The following ZBTB16 variants were observed in gnomAD, a reference collection of about 807,000 sequenced individuals.
ZBTB16 encodes the protein zinc finger and BTB domain-containing protein 16.
ZBTB16 carries 8 observed loss-of-function variants against 56.8 expected under a neutral mutation model. The ratio of observed to expected loss-of-function variants is 0.14; its 90% CI spans 0.08 to 0.25. ZBTB16 has a LOEUF of 0.25. ZBTB16 is among the 10% of genes least tolerant of loss of function. The probability of loss-of-function intolerance (pLI) is 1.00; values close to 1 mark genes in which losing one functional copy is unlikely to be tolerated. For synonymous variants in ZBTB16, 363 were observed against 368.5 expected, an observed-to-expected ratio of 0.98 and a Z score of 0.17; for missense variants, 625 against 903.0, an observed-to-expected ratio of 0.69 and a Z score of 3.95.
chr11:114,164,961 G>T (rs1942702477), intron 3 of ZBTB16, among the ~76,000 whole-genome samples: 1 of 151,964 alleles, frequency 6.6e-6, no homozygotes, highest in Non-Finnish European at 1.5e-5. Flanking sequence ...ACACTCCTGT[G>T]TATTTTCTGT....
rs1198148768 is a variant in ZBTB16, at chr11:114,233,081, GCACACA to G, written c.1454-9046_1454-9041del. ...CACATACGCATGCGCGCGCGCGCGC[GCACACA>G]CACACACACACACACACACACACAC... On this transcript the variant is annotated intron_variant, in intron 4 of 6. Transcript: ENST00000335953. Among the ~76,000 whole-genome samples, 281 of 87,532 alleles carry G rather than the reference GCACACA, an allele frequency of 3.2e-3. 10 individuals carry two copies. The highest frequency in any genetic ancestry group is 0.011 in the Admixed American group (98 of 9,044). The allele number at this position is 87,532 out of a possible 152,430, so 57.4% of individuals were successfully genotyped here. A position where few individuals can be genotyped will look rare whatever the true frequency, so the allele number is the denominator to read the frequency against.
chr11:114,066,375 A>C (rs542338702), intron 2 of ZBTB16, among the ~76,000 whole-genome samples: 1 of 152,348 alleles, frequency 6.6e-6, no homozygotes, highest in South Asian at 2.1e-4. Flanking sequence ...TGTACCGCTC[A>C]GAAATAGACT....
At chr11:114,160,955 G>C (rs1440287888) in intron 3 of ZBTB16, among the ~76,000 whole-genome samples, 1 of 152,098 alleles carries the variant, frequency 6.6e-6, no homozygotes, top group Non-Finnish European at 1.5e-5. Context: ...TTGGGTGTAG[G>C]ACTGTGGCCC....
rs548402558 is a variant in ZBTB16, at chr11:114,139,990, G to A, written c.1269-16347G>A. Reference sequence around the variant, plus strand: ...CTCTGTAATCCTCATGCCCCCTTCCGTCCTCGGTCAAGAACGAACAATGCT... The same window carrying A: ...CTCTGTAATCCTCATGCCCCCTTCCATCCTCGGTCAAGAACGAACAATGCT... On this transcript the variant is annotated intron_variant, in intron 2 of 6. Coordinates refer to ENST00000335953, the MANE Select transcript of ZBTB16 (RefSeq NM_006006.6). Among the ~76,000 whole-genome samples the A allele has an allele frequency of 2.4e-3, 359 of 152,218 alleles. 2 individuals carry two copies. The highest frequency in any genetic ancestry group is 4.2e-3 in the Non-Finnish European group (289 of 68,022).
chr11:114,255,549 C>T lies in ZBTB16; in HGVS notation c.*4994C>T, dbSNP rs993717037. 6.6e-6 allele frequency among the ~76,000 whole-genome samples: 1 copy of T among 151,632 alleles called. No homozygotes were observed. Among genetic ancestry groups the T allele is most frequent in the African/African-American group, 2.4e-5 (1 of 41,208 alleles). ...TCTCCCTCTCTCCTGCCTCCTGCTG[C>T]CCCCTCCCCAGCCCACTTCCCCGAG... On this transcript the variant is annotated 3_prime_UTR_variant, in exon 7 of 7. Transcript: ENST00000335953.
intron 4 of ZBTB16, among the ~76,000 whole-genome samples, chr11:114,228,561 TGCC>T (rs1944375826): frequency 6.6e-6 from 1 of 152,210 alleles, no homozygotes; most frequent in African/African-American, 2.4e-5. Context: ...TAAGAAGCCG[TGCC>T]TAGACCTGAG....
At position 114,252,736 on chromosome 11, in the gene ZBTB16, G is replaced by A. The variant is rs1420689668; in HGVS notation, c.*2181G>A. On this transcript the variant is annotated 3_prime_UTR_variant, in exon 7 of 7. Coordinates refer to ENST00000335953, the MANE Select transcript of ZBTB16 (RefSeq NM_006006.6). ...AAGCGGTTTTGGGGAGAAGGATCAC[G>A]AGGAATGTAGGGAAGCCGGAGGGAT... Among the ~76,000 whole-genome samples, 9 of 152,118 alleles carry A rather than the reference G, an allele frequency of 5.9e-5. No individual in the cohort carries two copies. The highest frequency in any genetic ancestry group is 1.2e-4 in the African/African-American group (5 of 41,402).
At chr11:114,244,162 G>A (rs915077784) in intron 5 of ZBTB16, among the ~76,000 whole-genome samples, 3 of 152,108 alleles carry the variant, frequency 2.0e-5, no homozygotes, top group Non-Finnish European at 4.4e-5. Flanking sequence ...CAGCAGCTGT[G>A]TTTGGTAGGT....
intron 2 of ZBTB16, among the ~76,000 whole-genome samples, chr11:114,071,967 A>G (rs2137674145): frequency 6.6e-6 from 1 of 152,374 alleles, no homozygotes; most frequent in East Asian, 1.9e-4. Flanking sequence ...AAACAGAAAT[A>G]ATAGTAGTAC....
intron 4 of ZBTB16, among the ~76,000 whole-genome samples, chr11:114,195,414 G>A (rs956139351): frequency 3.5e-4 from 54 of 152,164 alleles, no homozygotes; most frequent in African/African-American, 1.1e-3. Flanking sequence ...AGAGACTGAG[G>A]GAGTCAGGGA....
chr11:114,221,077 C>T (rs928630851), intron 4 of ZBTB16, among the ~76,000 whole-genome samples: 2 of 152,222 alleles, frequency 1.3e-5, no homozygotes, highest in Non-Finnish European at 2.9e-5. Context: ...AGCCTACCCA[C>T]TCCCCCCTCA....
chr11:114,082,178 G>A (rs1181818262), intron 2 of ZBTB16, among the ~76,000 whole-genome samples: 1 of 151,904 alleles, frequency 6.6e-6, no homozygotes, highest in Non-Finnish European at 1.5e-5. Flanking sequence ...TTCTCGGGTG[G>A]CTGAAGAGGG....
intron 2 of ZBTB16, among the ~76,000 whole-genome samples, chr11:114,084,157 CCAGAGGCTG>C (rs1939881344): frequency 6.6e-6 from 1 of 152,146 alleles, no homozygotes; most frequent in South Asian, 2.1e-4. Context: ...CTGATTGCTC[CCAGAGGCTG>C]CAGTTATTTT....
intron 4 of ZBTB16, chr11:114,209,582 T>G: frequency 1.0e-6 from 1 of 985,430 alleles, no homozygotes; most frequent in Non-Finnish European, 1.2e-6. Flanking sequence ...TGGACAATCA[T>G]TTCTTGCAAG....
intron 2 of ZBTB16, among the ~76,000 whole-genome samples, chr11:114,141,048 GC>G (rs1941930793): frequency 6.6e-6 from 1 of 152,094 alleles, no homozygotes; most frequent in East Asian, 1.9e-4. Context: ...CGCATCATCA[GC>G]CCACTCTACC....
intron 2 of ZBTB16, among the ~76,000 whole-genome samples, chr11:114,096,316 T>G (rs1004313659): frequency 3.3e-5 from 5 of 152,226 alleles, no homozygotes; most frequent in Non-Finnish European, 5.9e-5. Context: ...ACTTATCTAT[T>G]ATTTCTGATT....
Position 114,059,989 on chromosome 11 carries a change from C to G in ZBTB16, c.-91+107C>G. On this transcript the variant is annotated intron_variant, in intron 1 of 6. Transcript: ENST00000335953. The surrounding 1 kb of genome is among the most constrained non-coding windows in gnomAD (Gnocchi z 5.3). ...GCGCGCGCTCGCTTCGGCCACTCGG[C>G]CGCTGGGCTTGTGCCTTTTTTATTT... 1 of 392,554 alleles carries G rather than the reference C, an allele frequency of 2.5e-6. No homozygotes were observed. The highest frequency in any genetic ancestry group is 4.5e-6 in the Non-Finnish European group (1 of 222,634). The allele number at this position is 392,554 out of a possible 1,614,324, so 24.3% of individuals were successfully genotyped here.
At chr11:114,178,119 C>T (rs1397354906) in intron 3 of ZBTB16, among the ~76,000 whole-genome samples, 1 of 152,076 alleles carries the variant, frequency 6.6e-6, no homozygotes, top group Non-Finnish European at 1.5e-5. Flanking sequence ...GATCTGACCC[C>T]ATCTTTACTG....
chr11:114,150,464 G>A (rs1290378837), intron 2 of ZBTB16, among the ~76,000 whole-genome samples: 1 of 152,096 alleles, frequency 6.6e-6, no homozygotes, highest in Non-Finnish European at 1.5e-5. Context: ...GCAAGACCTC[G>A]TCTCTATTAA....
Sources: gnomAD v4.1 joint callset for allele counts (sites outside exome capture counted in the v4.1 genomes callset) on GRCh38, gnomAD v4.1.1 for gene constraint, Gnocchi (gnomAD v3.1) non-coding constraint, MANE v1.5 for transcripts, NCBI Gene and HGNC (gene_info 2026-07-23, HGNC 2026-07-21) for gene names.